The following ZNF106 variants were observed in gnomAD, a reference collection of about 807,000 sequenced individuals.
ZNF106 encodes SH3-domain binding protein 3.
A neutral mutation model predicts 195.1 loss-of-function variants in ZNF106; 67 were observed. That is an observed-to-expected ratio of 0.34 (90% CI 0.28 to 0.42). The LOEUF is 0.42. ZNF106 is among the 10% of genes least tolerant of loss of function. The probability of loss-of-function intolerance (pLI) is 1.00; values close to 1 mark genes in which losing one functional copy is unlikely to be tolerated. For synonymous variants in ZNF106, 784 were observed against 818.6 expected, an observed-to-expected ratio of 0.96 and a Z score of 0.72; for missense variants, 2,118 against 2,304.5, an observed-to-expected ratio of 0.92 and a Z score of 1.66.
At chr15:42,460,590 G>C (rs1323433102) in intron 3 of ZNF106, among the ~76,000 whole-genome samples, 1 of 152,214 alleles carries the variant, frequency 6.6e-6, no homozygotes, top group Non-Finnish European at 1.5e-5. Context: ...ACACTAGCCA[G>C]GTGCCCACGC....
rs1431210728 is a variant in ZNF106 at position 42,415,608 on chromosome 15, A to G, written c.*1696T>C. 2.6e-6 allele frequency: 1 copy of G among 385,152 alleles called. No homozygotes were observed. The highest frequency in any genetic ancestry group is 2.1e-5 in the African/African-American group (1 of 47,590). 23.9% of individuals were successfully genotyped at this position (385,152 alleles called of 1,614,324 possible). On this transcript the variant is annotated 3_prime_UTR_variant, in exon 22 of 22. Coordinates refer to ENST00000564754, the MANE Select transcript of ZNF106 (RefSeq NM_001366845.3). Reference sequence around the variant, plus strand: ...CCTGAGGGAAGACATGTGAGTGGATATATGTGCACTAACAGGGGCGAAGAC... The same window carrying G: ...CCTGAGGGAAGACATGTGAGTGGATGTATGTGCACTAACAGGGGCGAAGAC...
chr15:42,489,375 C>G (rs889282208), intron 1 of ZNF106, among the ~76,000 whole-genome samples: 1 of 152,054 alleles, frequency 6.6e-6, no homozygotes, highest in South Asian at 2.1e-4. Context: ...CGGTGTTTCT[C>G]CATGTCGGTC....
chr15:42,433,089 A>ATT (rs1459399861), intron 14 of ZNF106, among the ~76,000 whole-genome samples: 1 of 151,754 alleles, frequency 6.6e-6, no homozygotes, highest in Non-Finnish European at 1.5e-5. Context: ...CTTCTCTTGT[A>ATT]TTAAGTATAT....
intron 3 of ZNF106, among the ~76,000 whole-genome samples, chr15:42,463,555 A>G (rs1480671008): frequency 2.0e-5 from 3 of 152,138 alleles, no homozygotes; most frequent in Non-Finnish European, 4.4e-5. Flanking sequence ...GCCAAATGAA[A>G]GACAGAGTGG....
chr15:42,461,418 A>C lies in ZNF106; in HGVS notation c.117-4260T>G, dbSNP rs190177944. Reference sequence around the variant, plus strand: ...AATTAGCTTCATCCTGTTACCACACAATTTCCTCTCATGTGTGAAACACAA... The same window carrying C: ...AATTAGCTTCATCCTGTTACCACACCATTTCCTCTCATGTGTGAAACACAA... On this transcript the variant is annotated intron_variant, in intron 3 of 21. Transcript: ENST00000564754. Among the ~76,000 whole-genome samples, 379 of 152,358 alleles carry C rather than the reference A, an allele frequency of 2.5e-3. 2 individuals are homozygous for C. The highest frequency in any genetic ancestry group is 4.5e-3 in the Non-Finnish European group (309 of 68,040).
intron 14 of ZNF106, among the ~76,000 whole-genome samples, chr15:42,432,807 C>A (rs1305621462): frequency 6.6e-6 from 1 of 151,988 alleles, no homozygotes; most frequent in Non-Finnish European, 1.5e-5. Context: ...ATCACTTGAG[C>A]CCAGGAGTTC....
chr15:42,457,342 G>T (rs1458152231), intron 3 of ZNF106, 184 bp from the exon 4 acceptor site: 2 of 1,443,030 alleles, frequency 1.4e-6, no homozygotes. Flanking sequence ...CTTTTGAAAT[G>T]ATTTTAAGAT....
Position 42,428,007 on chromosome 15 carries a change from C to T in ZNF106, c.4998+11G>A. On this transcript the variant is annotated intron_variant, in intron 15 of 21. Coordinates refer to ENST00000564754, the MANE Select transcript of ZNF106 (RefSeq NM_001366845.3). ...CATGGGAAGTAAGCCTTTTCTCCTC[C>T]AACCACTAACCTTTATGTTGAAGGT... The T allele has an allele frequency of 6.2e-7, 1 of 1,610,748 alleles. No individual in the cohort carries two copies. Among genetic ancestry groups the T allele is most frequent in the Non-Finnish European group, 8.5e-7 (1 of 1,177,058 alleles).
In ZNF106 at chr15:42,491,049, G is replaced by T. The variant is rs996730750; in HGVS notation, c.-102C>A. ...GGCGAGGGAGCTCCCTGACGCCTCAGACGCCCCCTTCAGTTTTGGGTCCGG... is the reference window on the plus strand; with the variant it reads ...GGCGAGGGAGCTCCCTGACGCCTCATACGCCCCCTTCAGTTTTGGGTCCGG... On this transcript the variant is annotated 5_prime_UTR_variant, in exon 1 of 22. The change creates a new upstream start codon in the 5' untranslated region. Transcript: ENST00000564754. 1 of 151,940 alleles carries T rather than the reference G, an allele frequency of 6.6e-6. No individual in the cohort carries two copies. The highest frequency in any genetic ancestry group is 1.5e-5 in the Non-Finnish European group (1 of 68,012). The allele number at this position is 151,940 out of a possible 1,614,324, so 9.4% of individuals were successfully genotyped here.
chr15:42,488,970 C>T (rs1195879699), intron 1 of ZNF106, among the ~76,000 whole-genome samples: 3 of 149,872 alleles, frequency 2.0e-5, no homozygotes, highest in African/African-American at 7.3e-5. Context: ...CCCAGCTACT[C>T]GGGAGGCTGA....
At chr15:42,482,578 G>T (rs972725349) in intron 1 of ZNF106, among the ~76,000 whole-genome samples, 7 of 142,494 alleles carry the variant, frequency 4.9e-5, no homozygotes, top group Non-Finnish European at 7.5e-5. Flanking sequence ...ACCCAGGCTG[G>T]AGTGCAGTGG....
chr15:42,468,552 G>A (rs2056586653), intron 2 of ZNF106, among the ~76,000 whole-genome samples: 1 of 151,108 alleles, frequency 6.6e-6, no homozygotes, highest in Admixed American at 6.6e-5. Flanking sequence ...AGACCAGCCT[G>A]ACCAACATGG....
chr15:42,490,601 GCGAGAGGTTGAAATGTGTCCCTGGC>G (rs1168266903), intron 1 of ZNF106, among the ~76,000 whole-genome samples: 1 of 152,216 alleles, frequency 6.6e-6, no homozygotes, highest in Non-Finnish European at 1.5e-5. Context: ...GTTGTCAGTC[GCGAGAGGTTGAAATGTGTCCCTGGC>G]CTGAGACCTA....
chr15:42,472,102 GA>G, intron 2 of ZNF106, 133 bp downstream of exon 2: 1 of 860,600 alleles, frequency 1.2e-6, no homozygotes, highest in Non-Finnish European at 1.6e-6. Context: ...GGAAAGAAAA[GA>G]AGCATAAATA....
Position 42,482,522 on chromosome 15 carries a change from GTTTT to G in ZNF106, c.-33+8454_-33+8457del, listed in dbSNP as rs905219332. Among the ~76,000 whole-genome samples, 5 of 82,544 alleles carry G rather than the reference GTTTT, an allele frequency of 6.1e-5. No individual in the cohort carries two copies. In the East Asian group the frequency reaches 8.8e-4, roughly 15 times the overall value. 54.2% of individuals were successfully genotyped at this position (82,544 alleles called of 152,430 possible). A position where few individuals can be genotyped will look rare whatever the true frequency, so the allele number is the denominator to read the frequency against. ...TCTTAGGCAGTAGATGAAATCTCCAGTTTTTTTTTTTTTTTTTTTTTTTTGAGAT... is the reference window on the plus strand; with the variant it reads ...TCTTAGGCAGTAGATGAAATCTCCAGTTTTTTTTTTTTTTTTTTTTGAGAT... On this transcript the variant is annotated intron_variant, in intron 1 of 21. Transcript: ENST00000564754.
intron 1 of ZNF106, among the ~76,000 whole-genome samples, chr15:42,473,074 T>C (rs1011978707): frequency 2.0e-5 from 3 of 151,478 alleles, no homozygotes; most frequent in Non-Finnish European, 4.4e-5. Context: ...TCTAAAAATC[T>C]GAAATCTGAA....
chr15:42,452,340 T>G (rs527557066), intron 4 of ZNF106, among the ~76,000 whole-genome samples: 1 of 151,968 alleles, frequency 6.6e-6, no homozygotes, highest in Non-Finnish European at 1.5e-5. Context: ...ATGGCCGACA[T>G]GGAGAAACCC....
rs1230364167 is a variant in ZNF106 at position 42,414,596 on chromosome 15, G to A, written c.*2708C>T. On this transcript the variant is annotated 3_prime_UTR_variant, in exon 22 of 22. Coordinates refer to ENST00000564754, the MANE Select transcript of ZNF106 (RefSeq NM_001366845.3). The stretch of plus-strand genomic sequence containing the variant: ...CGAAGTCCAAATCAGAGTTCTTACC[G>A]ATTCTACCACTCTGTAATACTCTCA... 6.6e-6 allele frequency: 1 copy of A among 152,240 alleles called. No homozygotes were observed. Among genetic ancestry groups the A allele is most frequent in the Non-Finnish European group, 1.5e-5 (1 of 68,084 alleles). 9.4% of individuals were successfully genotyped at this position (152,240 alleles called of 1,614,324 possible).
intron 15 of ZNF106, 58 bp from the exon 16 acceptor site, chr15:42,425,083 C>A: frequency 6.5e-7 from 1 of 1,529,844 alleles, no homozygotes; most frequent in South Asian, 1.1e-5. Flanking sequence ...TTCAACTAAC[C>A]AACATCATTA....
Sources: gnomAD v4.1 joint callset for allele counts (sites outside exome capture counted in the v4.1 genomes callset) on GRCh38, gnomAD v4.1.1 for gene constraint, MANE v1.5 for transcripts, NCBI Gene and HGNC (gene_info 2026-07-23, HGNC 2026-07-21) for gene names.